The following CLK2 variants were observed in gnomAD, a reference collection of about 807,000 sequenced individuals.
CLK2 encodes the protein dual specificity protein kinase CLK2.
A neutral mutation model predicts 73.5 loss-of-function variants in CLK2; 12 were observed. The observed-to-expected ratio is 0.16, with a 90% CI of 0.10 to 0.26. The LOEUF is 0.26. Ranked by LOEUF, CLK2 falls within the 10% of genes least tolerant of loss-of-function variation. CLK2 has a pLI of 1.00. For missense variants in CLK2, 509 were observed against 688.4 expected (o/e 0.74, Z 2.92); for synonymous variants, 232 against 237.9 (o/e 0.98, Z 0.23).
chr1:155,266,089 C>A, intron 7 of CLK2, 135 bp from the exon 8 acceptor site: 1 of 677,234 alleles, frequency 1.5e-6, no homozygotes, highest in Admixed American at 2.1e-5. Context: ...GCTTTCTGCT[C>A]TACGTCTAAA....
In CLK2 at chr1:155,270,832, T is replaced by A; in HGVS notation, c.146A>T (p.Asp49Val). 6.2e-7 allele frequency: 1 copy of A among 1,611,726 alleles called. No homozygotes were observed. Among genetic ancestry groups the A allele is most frequent in the Non-Finnish European group, 8.5e-7 (1 of 1,177,962 alleles). The part of the protein sequence containing the change: ...SDRTRRRRRE[D>V]SYHVRSRSSY... ...CCTTCGAGAACGGACATGGTAGCTG[T>A]CCTCTCGCCGACGCCGTCGTGTCCG... Residue 49 changes from aspartate to valine, a missense_variant, in exon 2 of 13, where the codon GAC becomes GTC. This residue lies in a region of CLK2 where 222 missense variants were observed against 221.7 expected (regional missense o/e 1.00). Coordinates refer to ENST00000368361, the MANE Select transcript of CLK2 (RefSeq NM_001294338.2).
At chr1:155,271,043 G>C (rs1673479689) in intron 1 of CLK2, 66 bp from the exon 2 acceptor site, 1 of 1,524,992 alleles carries the variant, frequency 6.6e-7, no homozygotes, top group Non-Finnish European at 9.0e-7. Flanking sequence ...CCAAGGACTG[G>C]CTGCTCCAAA....
chr1:155,263,934 C>T lies in CLK2; in HGVS notation c.1317+16G>A, dbSNP rs764178434. 1 of 1,611,662 alleles carries T rather than the reference C, an allele frequency of 6.2e-7. No homozygotes were observed. Among genetic ancestry groups the T allele is most frequent in the Admixed American group, 1.7e-5 (1 of 60,014 alleles). ...CTTCTGGACGGTGGGCACTATTTAT[C>T]CCGAGCCCAGCTCACCCGCAGCGGT... is the stretch of plus-strand genomic sequence containing the variant. On this transcript the variant is annotated intron_variant, in intron 12 of 12. Transcript: ENST00000368361.
chr1:155,263,335 C>A lies in CLK2; in HGVS notation c.1383G>T (p.Glu461Asp). ...QLFDLIESML[E>D]YEPAKRLTLG... is the part of the protein sequence containing the mutation. ...AGGTCAGCCGCTTAGCTGGTTCATA[C>A]TCTAGCATGCTTTCAATCAGATCGA... The change falls in exon 13 of 13, where the codon GAG (glutamate) becomes GAT (aspartate). Residue 461 changes from glutamate (E) to aspartate (D), a missense_variant. Around this residue, in one of 6 missense-constraint regions of CLK2, gnomAD observed 134 missense variants for 146.0 expected, o/e 0.92. Transcript: ENST00000368361. 1 of 1,614,210 alleles carries A rather than the reference C, an allele frequency of 6.2e-7. No homozygotes were observed. Among genetic ancestry groups the A allele is most frequent in the Admixed American group, 1.7e-5 (1 of 60,036 alleles).
At chr1:155,263,585 A>C in intron 12 of CLK2, 185 bp from the exon 13 acceptor site, 1 of 985,412 alleles carries the variant, frequency 1.0e-6, no homozygotes, top group Non-Finnish European at 1.2e-6. Flanking sequence ...TCCCACTAGC[A>C]CAATTACTCC....
chr1:155,264,325 C>T, intron 10 of CLK2, 25 bp from the exon 11 acceptor site: 1 of 1,613,628 alleles, frequency 6.2e-7, no homozygotes, highest in Non-Finnish European at 8.5e-7. Context: ...CAGAACTGAG[C>T]ATGGGACTGA....
intron 2 of CLK2, among the ~76,000 whole-genome samples, chr1:155,270,379 A>C (rs2148145383): frequency 6.6e-6 from 1 of 152,230 alleles, no homozygotes; most frequent in East Asian, 1.9e-4. Context: ...CTCAAAAATA[A>C]ATAAATGATA....
intron 3 of CLK2, chr1:155,269,168 T>TAAAAA (rs1673372777): frequency 1.7e-6 from 1 of 576,662 alleles, no homozygotes; most frequent in East Asian, 2.9e-5. Context: ...GCCCAGGGCT[T>TAAAAA]GGGGGAAAAA....
intron 2 of CLK2, 37 bp downstream of exon 2, chr1:155,270,771 T>C: frequency 6.3e-7 from 1 of 1,582,974 alleles, no homozygotes; most frequent in Non-Finnish European, 8.7e-7. Context: ...AATGAGCGAG[T>C]GACCCTGTGT....
chr1:155,269,744 G>GT, intron 2 of CLK2, 28 bp from the exon 3 acceptor site: 1 of 1,596,004 alleles, frequency 6.3e-7, no homozygotes, highest in Admixed American at 1.7e-5. Context: ...CCAATGAGGT[G>GT]TATCTGTTCA....
At chr1:155,264,064 G>A (rs1673115584) in intron 11 of CLK2, 24 bp from the exon 12 acceptor site, 2 of 1,593,154 alleles carry the variant, frequency 1.3e-6, no homozygotes, top group Non-Finnish European at 8.6e-7. Context: ...GGAGGTTGAG[G>A]AATCAGAAGG....
chr1:155,272,423 G>GA (rs764315654), intron 1 of CLK2, among the ~76,000 whole-genome samples: 3 of 151,710 alleles, frequency 2.0e-5, no homozygotes, highest in Admixed American at 1.3e-4. Flanking sequence ...TTCCTTCAAG[G>GA]AAAAAAGAGA....
At position 155,265,566 on chromosome 1, in the gene CLK2, CAAAT is replaced by C. The variant is rs374400975; in HGVS notation, c.933+290_933+293del. Among the ~76,000 whole-genome samples, 756 of 106,466 alleles carry C rather than the reference CAAAT, an allele frequency of 7.1e-3. 6 individuals are homozygous for C. The highest frequency in any genetic ancestry group is 9.6e-3 in the Middle Eastern group (2 of 208). 69.8% of individuals were successfully genotyped at this position (106,466 alleles called of 152,430 possible). ...TGGGCAACAGAGTGAGACTCTGTCT[CAAAT>C]AAATAAATAAATAAATAAATAAATA... On this transcript the variant is annotated intron_variant, in intron 8 of 12. Coordinates refer to ENST00000368361, the MANE Select transcript of CLK2 (RefSeq NM_001294338.2).
chr1:155,263,685 G>A (rs1673093398), intron 12 of CLK2: 2 of 985,242 alleles, frequency 2.0e-6, no homozygotes, highest in Non-Finnish European at 2.4e-6. Context: ...CTCTTCAAAG[G>A]TAGTTTATTC....
chr1:155,269,814 T>C, intron 2 of CLK2, 98 bp from the exon 3 acceptor site: 1 of 1,145,626 alleles, frequency 8.7e-7, no homozygotes, highest in Non-Finnish European at 1.3e-6. Flanking sequence ...CAAAGAGTAA[T>C]GCTAGAAAAC....
At position 155,265,902 on chromosome 1, in the gene CLK2, C is replaced by T; in HGVS notation, c.891G>A (p.Leu297=). The T allele has an allele frequency of 6.2e-7, 1 of 1,613,352 alleles. No homozygotes were observed. Among genetic ancestry groups the T allele is most frequent in the Non-Finnish European group, 8.5e-7 (1 of 1,179,288 alleles). Residue 297 remains leucine, a synonymous_variant, in exon 8 of 13, where the codon CTG becomes CTA. Transcript: ENST00000368361. ...TGAGCTCATAGTCTGAATTCACAAA[C>T]AGAATATTTTCAGGCTTGAGGTCTG... ...THTDLKPENI[L]FVNSDYELTY...
chr1:155,263,855 C>A, intron 12 of CLK2, 95 bp downstream of exon 12: 1 of 1,401,158 alleles, frequency 7.1e-7, no homozygotes, highest in Non-Finnish European at 9.9e-7. Context: ...CCTTTCCTAA[C>A]CCTCTGCTTG....
rs779799832 is a variant in CLK2 at position 155,268,808 on chromosome 1, A to AG, written c.400-14dup. 64 of 1,010,198 alleles carry AG rather than the reference A, an allele frequency of 6.3e-5. No homozygotes were observed. Among genetic ancestry groups the AG allele is most frequent in the East Asian group, 5.7e-4 (9 of 15,810 alleles). 62.6% of individuals were successfully genotyped at this position (1,010,198 alleles called of 1,614,324 possible). ...GGCTGCTGTGCTGCTGTCGGGGGGC[A>AG]GGGGGGGTCGGAGCAAGCCAGGTGT... On this transcript the variant is annotated splice_polypyrimidine_tract_variant and intron_variant, in intron 3 of 12. Coordinates refer to ENST00000368361, the MANE Select transcript of CLK2 (RefSeq NM_001294338.2). This position sits in a 1 kb window ranked among gnomAD's most constrained non-coding sequence, Gnocchi z 5.6.
At chr1:155,266,916 A>AG (rs373057439) in intron 6 of CLK2, 21 bp from the exon 7 acceptor site, 5 of 1,611,998 alleles carry the variant, frequency 3.1e-6, no homozygotes, top group Admixed American at 3.4e-5. Flanking sequence ...AGATGGGGGA[A>AG]GGGGGGTTGT....
Sources: allele counts gnomAD v4.1 joint callset (sites outside exome capture counted in the v4.1 genomes callset), GRCh38; gene constraint gnomAD v4.1.1; regional missense constraint gnomAD v4.1.1; non-coding constraint Gnocchi (gnomAD v3.1); transcripts MANE v1.5; gene names NCBI Gene and HGNC (gene_info 2026-07-23, HGNC 2026-07-21).